Variants in ERBB4 observed in about 807,000 individuals in gnomAD.
ERBB4 encodes the protein receptor tyrosine-protein kinase erbB-4.
In ERBB4, 42 loss-of-function variants were observed where a neutral mutation model predicts 158.0. The ratio of observed to expected loss-of-function variants is 0.27; its 90% CI spans 0.21 to 0.34. The LOEUF is 0.34. Among genes scored for constraint, ERBB4 ranks in the 10% least tolerant of loss-of-function variants. The probability of loss-of-function intolerance (pLI) is 1.00; values close to 1 mark genes in which losing one functional copy is unlikely to be tolerated. For missense variants in ERBB4, 1,333 were observed against 1,624.1 expected (o/e 0.82, Z 3.08); for synonymous variants, 583 against 558.7 (o/e 1.04, Z -0.61).
chr2:212,416,422 C>G (rs2091653631), intron 1 of ERBB4, among the ~76,000 whole-genome samples: 1 of 151,980 alleles, frequency 6.6e-6, no homozygotes. Context: ...AGATGCAACC[C>G]GTACTTAGGA....
chr2:212,113,520 G>A (rs989458816), intron 2 of ERBB4, among the ~76,000 whole-genome samples: 7 of 134,772 alleles, frequency 5.2e-5, no homozygotes, highest in Non-Finnish European at 1.1e-4. Context: ...CTTGCAGTGA[G>A]CCGAGATCAT....
Position 211,456,232 on chromosome 2 carries a change from A to C in ERBB4, c.2488-25132T>G, listed in dbSNP as rs551225764. Among the ~76,000 whole-genome samples the C allele has an allele frequency of 1.9e-3, 289 of 152,302 alleles. 3 individuals carry two copies. Among genetic ancestry groups the C allele is most frequent in the African/African-American group, 6.6e-3 (274 of 41,578 alleles). On this transcript the variant is annotated intron_variant, in intron 20 of 27. Transcript: ENST00000342788. Reference sequence around the variant, plus strand: ...AGAAATGAATGGGGCACAGTATATAAGGCATTCTGTAAAAGCAATAATCCC... The same window carrying C: ...AGAAATGAATGGGGCACAGTATATACGGCATTCTGTAAAAGCAATAATCCC...
chr2:211,585,891 A>C (rs2068260277), intron 19 of ERBB4, among the ~76,000 whole-genome samples: 1 of 152,188 alleles, frequency 6.6e-6, no homozygotes, highest in African/African-American at 2.4e-5. Flanking sequence ...CATGAAAAGT[A>C]ATCTTTGAAG....
intron 12 of ERBB4, among the ~76,000 whole-genome samples, chr2:211,680,486 T>A (rs753679697): frequency 6.6e-6 from 1 of 152,184 alleles, no homozygotes; most frequent in African/African-American, 2.4e-5. Flanking sequence ...TTACTTATTA[T>A]GAGATGTAAA....
At chr2:212,178,404 G>A (rs1231918209) in intron 1 of ERBB4, among the ~76,000 whole-genome samples, 1 of 151,722 alleles carries the variant, frequency 6.6e-6, no homozygotes, top group Non-Finnish European at 1.5e-5. Context: ...AAGGAGGAAA[G>A]TGGAGAGATT....
At chr2:211,749,332 G>A (rs181028394) in intron 5 of ERBB4, among the ~76,000 whole-genome samples, 19 of 152,214 alleles carry the variant, frequency 1.2e-4, no homozygotes, top group Admixed American at 1.2e-3. Flanking sequence ...ACACATGCAT[G>A]GGTTGAAGAA....
At chr2:212,037,666 T>C (rs989737233) in intron 2 of ERBB4, among the ~76,000 whole-genome samples, 1 of 152,222 alleles carries the variant, frequency 6.6e-6, no homozygotes, top group Non-Finnish European at 1.5e-5. Context: ...AACATGTCTT[T>C]GTATTTTGAC....
chr2:212,310,752 C>T (rs763752801), intron 1 of ERBB4, among the ~76,000 whole-genome samples: 18 of 150,028 alleles, frequency 1.2e-4, no homozygotes, highest in Non-Finnish European at 2.4e-4. Context: ...TTAATGATTG[C>T]TATTTTACCA....
At chr2:212,209,670 G>T (rs1454481947) in intron 1 of ERBB4, among the ~76,000 whole-genome samples, 1 of 152,092 alleles carries the variant, frequency 6.6e-6, no homozygotes, top group Non-Finnish European at 1.5e-5. Context: ...TGGAGACAGG[G>T]TCCATAAGGA....
chr2:211,990,159 C>A (rs906700718), intron 2 of ERBB4, among the ~76,000 whole-genome samples: 7 of 151,820 alleles, frequency 4.6e-5, no homozygotes, highest in Non-Finnish European at 1.0e-4. Flanking sequence ...TAAACAATTT[C>A]TAGGCATTTG....
At chr2:211,651,829 G>A (rs1400613640) in intron 16 of ERBB4, among the ~76,000 whole-genome samples, 1 of 152,056 alleles carries the variant, frequency 6.6e-6, no homozygotes, top group Non-Finnish European at 1.5e-5. Flanking sequence ...ACTTGGTAGT[G>A]GACTCCAAGC....
At chr2:212,125,253 A>G in intron 1 of ERBB4, 2 of 204,200 alleles carry the variant, frequency 9.8e-6, no homozygotes, top group Non-Finnish European at 2.0e-5. Flanking sequence ...TCTGTTTTCT[A>G]ATTGGGTAAT....
At chr2:211,423,476 A>T (rs920156078) in intron 23 of ERBB4, among the ~76,000 whole-genome samples, 4 of 151,812 alleles carry the variant, frequency 2.6e-5, no homozygotes, top group African/African-American at 9.7e-5. Context: ...TAAGCCAGAA[A>T]CTCCAGAGAC....
chr2:211,821,972 T>C (rs2077006085), intron 3 of ERBB4, among the ~76,000 whole-genome samples: 1 of 151,820 alleles, frequency 6.6e-6, no homozygotes, highest in South Asian at 2.1e-4. Context: ...AAGACCCTAA[T>C]AACACAGGCA....
At chr2:212,411,270 C>A (rs2091490642) in intron 1 of ERBB4, among the ~76,000 whole-genome samples, 1 of 152,070 alleles carries the variant, frequency 6.6e-6, no homozygotes. Context: ...AAACAGGCTA[C>A]AAGCAGTCCT....
At chr2:212,243,831 A>G (rs2084208314) in intron 1 of ERBB4, among the ~76,000 whole-genome samples, 1 of 152,292 alleles carries the variant, frequency 6.6e-6, no homozygotes, top group South Asian at 2.1e-4. Flanking sequence ...AGAAGAAAAA[A>G]TTACTATTTA....
rs570851304 is a variant in ERBB4 at position 212,279,563 on chromosome 2, C to T, written c.83-154660G>A. On this transcript the variant is annotated intron_variant, in intron 1 of 27. Coordinates refer to ENST00000342788, the MANE Select transcript of ERBB4 (RefSeq NM_005235.3). ...AAGGCTGATTCTATGACCATTTTAT[C>T]TTGTTTCTATTTATCTTCATCCCAT... Among the ~76,000 whole-genome samples the T allele has an allele frequency of 9.2e-5, 14 of 151,662 alleles. No individual in the cohort carries two copies. In the East Asian group the frequency reaches 2.7e-3, roughly 30 times the overall value.
chr2:212,020,538 G>A (rs1575526545), intron 2 of ERBB4, among the ~76,000 whole-genome samples: 1 of 151,906 alleles, frequency 6.6e-6, no homozygotes, highest in Admixed American at 6.6e-5. Flanking sequence ...ATATACGTTT[G>A]CTCTTTCTTT....
intron 13 of ERBB4, among the ~76,000 whole-genome samples, chr2:211,678,704 C>A (rs555377499): frequency 6.6e-6 from 1 of 152,044 alleles, no homozygotes; most frequent in African/African-American, 2.4e-5. Context: ...CAGTGGCTCA[C>A]GCCTGTAATC....
Sources: gnomAD v4.1 joint callset for allele counts (sites outside exome capture counted in the v4.1 genomes callset) on GRCh38, gnomAD v4.1.1 for gene constraint, MANE v1.5 for transcripts, NCBI Gene and HGNC (gene_info 2026-07-23, HGNC 2026-07-21) for gene names.